Variants in ANO10 observed in about 807,000 individuals in gnomAD.
ANO10 encodes anoctamin-10.
In ANO10, 77 loss-of-function variants were observed where a neutral mutation model predicts 74.7. That is an observed-to-expected ratio of 1.03 (90% CI 0.86 to 1.25). ANO10 has a LOEUF of 1.25. Among genes scored for constraint, ANO10 ranks in the 50% most tolerant of loss-of-function variants. ANO10 has a pLI of 0.00. For synonymous variants in ANO10, 279 were observed against 284.9 expected (o/e 0.98, Z 0.21); for missense variants, 721 against 778.1 (o/e 0.93, Z 0.87).
At chr3:43,451,689 G>A (rs1575858120) in intron 11 of ANO10, among the ~76,000 whole-genome samples, 3 of 152,292 alleles carry the variant, frequency 2.0e-5, no homozygotes, top group Admixed American at 2.0e-4. Flanking sequence ...CACACAAGGT[G>A]CAATTTAGCT....
chr3:43,624,314 T>C (rs1481736146), upstream of ANO10, among the ~76,000 whole-genome samples: 3 of 152,236 alleles, frequency 2.0e-5, no homozygotes, highest in Non-Finnish European at 4.4e-5. Flanking sequence ...AGCATTGATA[T>C]AGTTTGGATC....
intron 12 of ANO10, among the ~76,000 whole-genome samples, chr3:43,425,284 C>G (rs2092882101): frequency 6.8e-6 from 1 of 147,066 alleles, no homozygotes; most frequent in Non-Finnish European, 1.5e-5. Flanking sequence ...CTGCCTTGGT[C>G]TCCTAAAGTG....
chr3:43,403,284 G>A (rs1417702629), intron 12 of ANO10, among the ~76,000 whole-genome samples: 1 of 152,228 alleles, frequency 6.6e-6, no homozygotes, highest in African/African-American at 2.4e-5. Context: ...AGCAAAACTT[G>A]ACATCTGTCA....
At chr3:43,543,267 TC>T (rs2079034526) in intron 11 of ANO10, among the ~76,000 whole-genome samples, 1 of 152,226 alleles carries the variant, frequency 6.6e-6, no homozygotes, top group Admixed American at 6.5e-5. Context: ...CTTGCAACTT[TC>T]AAATCTGAAA....
chr3:43,381,407 A>G (rs1026751063), intron 12 of ANO10, among the ~76,000 whole-genome samples: 5 of 152,220 alleles, frequency 3.3e-5, no homozygotes, highest in Non-Finnish European at 5.9e-5. Flanking sequence ...AAAAGCAAGC[A>G]GGAGTAGCCA....
At chr3:43,412,286 C>G (rs995215192) in intron 12 of ANO10, among the ~76,000 whole-genome samples, 1 of 152,010 alleles carries the variant, frequency 6.6e-6, no homozygotes, top group Non-Finnish European at 1.5e-5. Flanking sequence ...GCTTGACAGG[C>G]GTGTGTGGGG....
chr3:43,599,848 G>A (rs1231670463), intron 3 of ANO10, among the ~76,000 whole-genome samples: 1 of 151,846 alleles, frequency 6.6e-6, no homozygotes, highest in African/African-American at 2.4e-5. Context: ...GGAGCTTGCA[G>A]TGAGCCGAGA....
intron 1 of ANO10, among the ~76,000 whole-genome samples, chr3:43,660,551 AGAGT>A (rs907489795): frequency 5.3e-5 from 8 of 152,172 alleles, no homozygotes; most frequent in Non-Finnish European, 1.0e-4. Context: ...TAGAGAAAAG[AGAGT>A]GAAAAGAAAC....
chr3:43,589,668 T>C (rs1463536461), intron 4 of ANO10, among the ~76,000 whole-genome samples: 1 of 152,170 alleles, frequency 6.6e-6, no homozygotes, highest in East Asian at 1.9e-4. Flanking sequence ...GAGAGCAATT[T>C]GGCAGTATCT....
At chr3:43,450,239 G>A (rs1464707564) in intron 11 of ANO10, among the ~76,000 whole-genome samples, 1 of 152,010 alleles carries the variant, frequency 6.6e-6, no homozygotes, top group Admixed American at 6.6e-5. Context: ...AGCCCTGACG[G>A]CTGTGAAAAA....
At chr3:43,483,520 C>T (rs182754741) in intron 11 of ANO10, among the ~76,000 whole-genome samples, 2 of 152,320 alleles carry the variant, frequency 1.3e-5, no homozygotes, top group Admixed American at 1.3e-4. Flanking sequence ...TCAATTGCCT[C>T]AGCACCTCAC....
chr3:43,548,075 C>T (rs1019822783), intron 11 of ANO10, among the ~76,000 whole-genome samples: 1 of 152,182 alleles, frequency 6.6e-6, no homozygotes, highest in East Asian at 1.9e-4. Flanking sequence ...ATAACCAATC[C>T]ACCTTCACTT....
intron 1 of ANO10, among the ~76,000 whole-genome samples, chr3:43,672,841 C>CA (rs1340094391): frequency 1.3e-5 from 2 of 152,018 alleles, no homozygotes; most frequent in South Asian, 2.1e-4. Flanking sequence ...TCAAGAAAAA[C>CA]AAAAAAGCCC....
intron 4 of ANO10, among the ~76,000 whole-genome samples, chr3:43,585,199 A>C (rs1178480852): frequency 6.6e-6 from 1 of 152,230 alleles, no homozygotes; most frequent in Non-Finnish European, 1.5e-5. Flanking sequence ...AAGGCATAAA[A>C]GAACAGAATA....
At position 43,647,153 on chromosome 3, in the gene ANO10, ATGTGTG is replaced by A. The variant is rs57290936; in HGVS notation, c.-11-41296_-11-41291del. Among the ~76,000 whole-genome samples, 234 of 141,888 alleles carry A rather than the reference ATGTGTG, an allele frequency of 1.6e-3. 1 individual carries two copies. The highest frequency in any genetic ancestry group is 1.9e-3 in the African/African-American group (74 of 38,172). 93.1% of individuals were successfully genotyped at this position (141,888 alleles called of 152,430 possible). ...CAGAACCAAAAAGATATGTGTATAT[ATGTGTG>A]TGTGTGTGTGTGTGTGTGTGTGTGT... On this transcript the variant is annotated intron_variant, in intron 1 of 3. Transcript: ENST00000413397.
intron 12 of ANO10, among the ~76,000 whole-genome samples, chr3:43,417,432 G>A (rs2092757187): frequency 6.6e-6 from 1 of 152,102 alleles, no homozygotes; most frequent in African/African-American, 2.4e-5. Flanking sequence ...ACTTAAATCA[G>A]ACACTGCCTC....
At chr3:43,549,342 G>A (rs2079346904) in intron 11 of ANO10, among the ~76,000 whole-genome samples, 2 of 152,112 alleles carry the variant, frequency 1.3e-5, no homozygotes, top group Non-Finnish European at 2.9e-5. Flanking sequence ...TGTGGAGACA[G>A]GGTCTTATGT....
At chr3:43,573,656 G>A (rs1052012172) in intron 7 of ANO10, among the ~76,000 whole-genome samples, 1 of 152,060 alleles carries the variant, frequency 6.6e-6, no homozygotes, top group Non-Finnish European at 1.5e-5. Flanking sequence ...TTTCAAGCTG[G>A]TACTTCTTTA....
chr3:43,665,753 C>A (rs1019230756), intron 1 of ANO10, among the ~76,000 whole-genome samples: 1 of 152,122 alleles, frequency 6.6e-6, no homozygotes, highest in African/African-American at 2.4e-5. Context: ...CTTTGAGATC[C>A]AATTAGCTAG....
Sources: gnomAD v4.1 joint callset for allele counts (sites outside exome capture counted in the v4.1 genomes callset) on GRCh38, gnomAD v4.1.1 for gene constraint, MANE v1.5 for transcripts, NCBI Gene and HGNC (gene_info 2026-07-23, HGNC 2026-07-21) for gene names.